Variants in PLB1 observed in about 807,000 individuals in gnomAD.
The protein encoded by PLB1 is phospholipase B1, also known as phospholipase B1, membrane-associated.
A neutral mutation model predicts 227.4 loss-of-function variants in PLB1; 242 were observed. The ratio of observed to expected loss-of-function variants is 1.06; its 90% CI spans 0.96 to 1.18. The LOEUF (loss-of-function observed/expected upper bound fraction) is 1.18. Among genes scored for constraint, PLB1 ranks in the 50% most tolerant of loss-of-function variants. PLB1 has a pLI of 0.00. For synonymous variants in PLB1, 757 were observed against 682.2 expected (o/e 1.11, Z -1.71); for missense variants, 1,858 against 1,816.3 (o/e 1.02, Z -0.42).
chr2:28,531,070 T>C (rs1670946157), intron 8 of PLB1, among the ~76,000 whole-genome samples: 2 of 152,176 alleles, frequency 1.3e-5, no homozygotes, highest in African/African-American at 2.4e-5. Context: ...TCGTGCTGCC[T>C]CTTAAAAAGC....
rs767157358 is a variant in PLB1, at chr2:28,543,205, CT to C, written c.880-3del. ...AAAGGTCCCGCTGTCAACTGGTTCTCTTTTAGGAGGACCCCCGACTCCAGGA... is the reference window on the plus strand; with the variant it reads ...AAAGGTCCCGCTGTCAACTGGTTCTCTTTAGGAGGACCCCCGACTCCAGGA... On this transcript the variant is annotated splice_region_variant and splice_polypyrimidine_tract_variant and intron_variant, in intron 13 of 57. Transcript: ENST00000327757. 5.6e-6 allele frequency: 9 copies of C among 1,607,572 alleles called. No individual in the cohort carries two copies. The Admixed American group carries it at 1.5e-4, about 27-fold the overall frequency.
intron 51 of PLB1, among the ~76,000 whole-genome samples, chr2:28,627,434 C>T (rs1687953991): frequency 6.6e-6 from 1 of 152,166 alleles, no homozygotes; most frequent in Non-Finnish European, 1.5e-5. Context: ...TTCATGGGAA[C>T]AGTCAGGTTT....
rs1445577575 is a variant in PLB1 at position 28,591,744 on chromosome 2, C to T, written c.2172C>T (p.Ala724=). ...WLPCRDRAPS[A]LHPTSVHALR... ...CATGCAGGGACAGAGCCCCTTCTGC[C>T]TTGCACCCTACCTCAGGTAAGCCCC... Residue 724 remains alanine, a synonymous_variant, in exon 31 of 58, where the codon GCC becomes GCT. Coordinates refer to ENST00000327757, the MANE Select transcript of PLB1 (RefSeq NM_153021.5). The T allele has an allele frequency of 2.5e-6, 4 of 1,613,826 alleles. No homozygotes were observed. In the Admixed American group the frequency reaches 5.0e-5, roughly 20 times the overall value.
chr2:28,528,342 C>T (rs563720073), intron 6 of PLB1, among the ~76,000 whole-genome samples: 20 of 152,294 alleles, frequency 1.3e-4, no homozygotes, highest in African/African-American at 3.9e-4. Context: ...ACTCTCTCCC[C>T]GCTCTGCCCT....
At position 28,629,096 on chromosome 2, in the gene PLB1, C is replaced by T. The variant is rs912326285; in HGVS notation, c.3729C>T (p.Leu1243=). Residue 1243 remains leucine (L), a splice_region_variant and synonymous_variant, in exon 53 of 58, where the codon CTC becomes CTT. Coordinates refer to ENST00000327757, the MANE Select transcript of PLB1 (RefSeq NM_153021.5). Reference sequence around the variant, plus strand: ...AAACCACCCTCCACTCCCTGCAGCTCCCAAGGGCTTTCGTCAACGTGGTGG... The same window carrying T: ...AAACCACCCTCCACTCCCTGCAGCTTCCAAGGGCTTTCGTCAACGTGGTGG... ...QQALDILSEE[L]PRAFVNVVEV... is the part of the protein sequence containing the mutation. The T allele has an allele frequency of 3.7e-6, 6 of 1,613,532 alleles. No homozygotes were observed. In the African/African-American group the frequency reaches 6.7e-5, roughly 18 times the overall value.
At chr2:28,533,652 A>T (rs890543888) in intron 9 of PLB1, among the ~76,000 whole-genome samples, 2 of 152,240 alleles carry the variant, frequency 1.3e-5, no homozygotes, top group Non-Finnish European at 2.9e-5. Context: ...CTCATCTTAC[A>T]TGCAGACATA....
In PLB1 at chr2:28,643,079, C is replaced by T. The variant is rs772797426; in HGVS notation, c.*18C>T. On this transcript the variant is annotated 3_prime_UTR_variant, in exon 58 of 58. Coordinates refer to ENST00000327757, the MANE Select transcript of PLB1 (RefSeq NM_153021.5). ...CCCTCTAGGCCCGGGGGTGGGTCCT[C>T]ACCCTAAACTCCCTATAGCCACTCT... is the stretch of plus-strand genomic sequence containing the variant. The T allele has an allele frequency of 6.4e-7, 1 of 1,574,704 alleles. No homozygotes were observed. Among genetic ancestry groups the T allele is most frequent in the Middle Eastern group, 2.2e-4 (1 of 4,522 alleles).
chr2:28,578,624 A>G (rs1054204926), intron 22 of PLB1, among the ~76,000 whole-genome samples: 2 of 152,134 alleles, frequency 1.3e-5, no homozygotes, highest in Non-Finnish European at 2.9e-5. Context: ...AGCAGTACCA[A>G]AAAATAAAAG....
intron 14 of PLB1, among the ~76,000 whole-genome samples, chr2:28,544,164 C>T (rs1486246270): frequency 6.6e-5 from 10 of 152,024 alleles, no homozygotes; most frequent in South Asian, 2.1e-4. Context: ...GGAAGGGGCA[C>T]GGCCTCCGAC....
chr2:28,520,941 C>G (rs1198338197), intron 4 of PLB1, among the ~76,000 whole-genome samples: 1 of 152,170 alleles, frequency 6.6e-6, no homozygotes, highest in Admixed American at 6.5e-5. Flanking sequence ...TGCCATTGCA[C>G]TCCGGCCTGG....
At chr2:28,559,195 A>G (rs1675637670) in intron 17 of PLB1, among the ~76,000 whole-genome samples, 1 of 152,180 alleles carries the variant, frequency 6.6e-6, no homozygotes, top group Non-Finnish European at 1.5e-5. Flanking sequence ...GAGTGTCTCT[A>G]TCAGTGGTTC....
In PLB1 at chr2:28,630,011, G is replaced by C. The variant is rs574018899; in HGVS notation, c.3819-575G>C. On this transcript the variant is annotated intron_variant, in intron 53 of 57. Coordinates refer to ENST00000327757, the MANE Select transcript of PLB1 (RefSeq NM_153021.5). Reference sequence around the variant, plus strand: ...TTGCAGGGAACCCTGCTCTCTCGCAGGGAACGGCTCCTCCAGAGTCTGTCT... The same window carrying C: ...TTGCAGGGAACCCTGCTCTCTCGCACGGAACGGCTCCTCCAGAGTCTGTCT... Among the ~76,000 whole-genome samples the C allele has an allele frequency of 9.8e-4, 149 of 152,314 alleles. 1 individual carries two copies. The highest frequency in any genetic ancestry group is 3.3e-3 in the African/African-American group (137 of 41,556).
chr2:28,509,479 C>T (rs535345147), intron 1 of PLB1, among the ~76,000 whole-genome samples: 2 of 152,290 alleles, frequency 1.3e-5, no homozygotes, highest in South Asian at 4.1e-4. Context: ...GAAGGTAAAC[C>T]CCTAAGGGAG....
chr2:28,583,035 C>G (rs1680311724), intron 25 of PLB1, among the ~76,000 whole-genome samples: 1 of 152,146 alleles, frequency 6.6e-6, no homozygotes. Context: ...GAGTCCTCCC[C>G]AGAGAGTAGA....
chr2:28,563,069 C>T lies in PLB1; in HGVS notation c.1176C>T (p.Asn392=), dbSNP rs147698393. Residue 392 remains asparagine, a synonymous_variant, in exon 18 of 58, where the codon AAC becomes AAT. Coordinates refer to ENST00000327757, the MANE Select transcript of PLB1 (RefSeq NM_153021.5). ...ATAGGCTGAAGCCGGCTGACATCAACGTAATTGGAGCCCTGGGTGACTCTC... is the reference window on the plus strand; with the variant it reads ...ATAGGCTGAAGCCGGCTGACATCAATGTAATTGGAGCCCTGGGTGACTCTC... ...SVHRLKPADI[N]VIGALGDSLT... is the part of the protein sequence containing the mutation. The T allele has an allele frequency of 3.6e-5, 58 of 1,613,766 alleles. No individual in the cohort carries two copies. The highest frequency in any genetic ancestry group is 1.6e-4 in the Middle Eastern group (1 of 6,082).
intron 41 of PLB1, 58 bp downstream of exon 41, chr2:28,604,817 T>C: frequency 6.8e-7 from 1 of 1,474,556 alleles, no homozygotes; most frequent in Non-Finnish European, 9.4e-7. Flanking sequence ...CAAGGCAGAA[T>C]TGCCAGTTGC....
intron 42 of PLB1, 152 bp from the exon 43 acceptor site, chr2:28,606,344 C>A: frequency 1.4e-6 from 1 of 725,050 alleles, no homozygotes. Flanking sequence ...GGCCCAAAAC[C>A]CCACGGCTGG....
intron 55 of PLB1, among the ~76,000 whole-genome samples, chr2:28,632,459 G>T (rs948766840): frequency 6.6e-6 from 1 of 152,120 alleles, no homozygotes; most frequent in Non-Finnish European, 1.5e-5. Flanking sequence ...AAAGAAAAGG[G>T]AGAGACTATG....
chr2:28,496,540 A>G (rs1425938122), intron 1 of PLB1, among the ~76,000 whole-genome samples: 1 of 150,580 alleles, frequency 6.6e-6, no homozygotes, highest in Non-Finnish European at 1.5e-5. Flanking sequence ...TGGAAATACT[A>G]CTACTATGCA....
Sources: allele counts gnomAD v4.1 joint callset (sites outside exome capture counted in the v4.1 genomes callset), GRCh38; gene constraint gnomAD v4.1.1; transcripts MANE v1.5; gene names NCBI Gene and HGNC (gene_info 2026-07-23, HGNC 2026-07-21).